AKAP19: variants seen among roughly 807,000 people sequenced by gnomAD.
The protein encoded by AKAP19 is A-kinase anchoring protein 19.
the AKAP19 span, among the ~76,000 whole-genome samples, chr2:190,074,754 T>C: frequency 1.3e-5 from 2 of 152,092 alleles, no homozygotes; most frequent in East Asian, 1.9e-4. Context: ...GTTAAGTAGA[T>C]GGACTATATA....
the AKAP19 span, among the ~76,000 whole-genome samples, chr2:189,998,501 G>T: frequency 4.6e-5 from 7 of 152,112 alleles, no homozygotes; most frequent in African/African-American, 1.7e-4. Context: ...ATTTGTATGT[G>T]TGCAGGAATT....
the AKAP19 span, among the ~76,000 whole-genome samples, chr2:190,004,766 A>G: frequency 6.6e-6 from 1 of 152,108 alleles, no homozygotes; most frequent in Non-Finnish European, 1.5e-5. Context: ...ATTCTAGTGC[A>G]ATCTTTTGAG....
At chr2:189,904,816 T>C in the AKAP19 span, among the ~76,000 whole-genome samples, 4 of 152,136 alleles carry the variant, frequency 2.6e-5, no homozygotes, top group African/African-American at 9.6e-5. Flanking sequence ...CTTAGTGACC[T>C]CAAGAAAGTC....
chr2:189,924,883 A>AAAATAAAT, the AKAP19 span, among the ~76,000 whole-genome samples: 19 of 151,996 alleles, frequency 1.3e-4, no homozygotes, highest in African/African-American at 4.3e-4. Context: ...ACCAGGGGAA[A>AAAATAAAT]AAATAAATAA....
the AKAP19 span, among the ~76,000 whole-genome samples, chr2:190,093,760 G>A: frequency 2.6e-5 from 4 of 152,156 alleles, no homozygotes; most frequent in South Asian, 2.1e-4. Context: ...AAATTTGCCC[G>A]TGTGTAATTT....
At chr2:189,887,225 G>A in the AKAP19 span, among the ~76,000 whole-genome samples, 1 of 152,104 alleles carries the variant, frequency 6.6e-6, no homozygotes, top group African/African-American at 2.4e-5. Flanking sequence ...CCACTTATGA[G>A]TGAGAACACG....
the AKAP19 span, among the ~76,000 whole-genome samples, chr2:190,191,910 T>C: frequency 6.6e-6 from 1 of 152,314 alleles, no homozygotes; most frequent in South Asian, 2.1e-4. Flanking sequence ...ATTTGCTGTT[T>C]TTTTTTCAAT....
chr2:189,963,028 A>G, the AKAP19 span, among the ~76,000 whole-genome samples: 2 of 152,058 alleles, frequency 1.3e-5, no homozygotes, highest in Non-Finnish European at 2.9e-5. Context: ...AAGTTTATGG[A>G]CTATTCTAAA....
At chr2:189,889,258 C>T in the AKAP19 span, among the ~76,000 whole-genome samples, 1 of 152,116 alleles carries the variant, frequency 6.6e-6, no homozygotes. Flanking sequence ...ATATATTGAA[C>T]CAGTCTTGCA....
At chr2:189,941,627 T>C in the AKAP19 span, among the ~76,000 whole-genome samples, 2 of 152,372 alleles carry the variant, frequency 1.3e-5, no homozygotes, top group African/African-American at 2.4e-5. Flanking sequence ...TATAAGATGT[T>C]TTTTGTGAGC....
the AKAP19 span, among the ~76,000 whole-genome samples, chr2:189,995,831 C>T: frequency 1.3e-5 from 2 of 152,138 alleles, no homozygotes; most frequent in Non-Finnish European, 2.9e-5. Context: ...GTGGTGAATT[C>T]TCTCCACTAC....
the AKAP19 span, among the ~76,000 whole-genome samples, chr2:190,199,469 TCA>T: frequency 2.6e-5 from 4 of 151,758 alleles, no homozygotes; most frequent in African/African-American, 9.7e-5. Context: ...TGAATTGTTT[TCA>T]GTTTTATAAA....
At chr2:190,177,730 A>G in the AKAP19 span, among the ~76,000 whole-genome samples, 1 of 152,134 alleles carries the variant, frequency 6.6e-6, no homozygotes, top group Non-Finnish European at 1.5e-5. The surrounding 1 kb of genome is among the most constrained non-coding windows in gnomAD (Gnocchi z 4.6). Flanking sequence ...TGGGGATGGA[A>G]ATGGGAGTTC....
chr2:190,074,867 C>A, the AKAP19 span, among the ~76,000 whole-genome samples: 1 of 152,114 alleles, frequency 6.6e-6, no homozygotes, highest in Non-Finnish European at 1.5e-5. Context: ...AAATTTAAAT[C>A]TCAAAAATGA....
chr2:190,195,941 C>CT, the AKAP19 span, among the ~76,000 whole-genome samples: 6,633 of 86,094 alleles, frequency 0.077, 835 homozygotes, highest in African/African-American at 0.24. Context: ...CTGTGTCCAG[C>CT]TTTTTTTTTT....
At chr2:189,898,499 C>T in the AKAP19 span, among the ~76,000 whole-genome samples, 1 of 151,998 alleles carries the variant, frequency 6.6e-6, no homozygotes, top group African/African-American at 2.4e-5. Flanking sequence ...TGCATATTGC[C>T]TTTTTCATTT....
chr2:190,147,220 C>G, the AKAP19 span, among the ~76,000 whole-genome samples: 1 of 152,158 alleles, frequency 6.6e-6, no homozygotes, highest in African/African-American at 2.4e-5. Context: ...CTACATGTGG[C>G]TTGCCAATTA....
chr2:190,192,898 T>C, the AKAP19 span, among the ~76,000 whole-genome samples: 2 of 152,136 alleles, frequency 1.3e-5, no homozygotes, highest in African/African-American at 4.8e-5. Flanking sequence ...TAAATTTTTT[T>C]TGGGGGGAGG....
the AKAP19 span, among the ~76,000 whole-genome samples, chr2:189,976,566 C>T: frequency 6.6e-6 from 1 of 152,226 alleles, no homozygotes; most frequent in Non-Finnish European, 1.5e-5. Context: ...CCATCTCCTG[C>T]CCCCTGAGGT....
Sources: allele counts gnomAD v4.1 joint callset (sites outside exome capture counted in the v4.1 genomes callset), GRCh38; gene constraint gnomAD v4.1.1; non-coding constraint Gnocchi (gnomAD v3.1); transcripts MANE v1.5; gene names NCBI Gene and HGNC (gene_info 2026-07-23, HGNC 2026-07-21).